RNF111: variants seen among roughly 807,000 people sequenced by gnomAD.
The protein encoded by RNF111 is ring finger protein 111.
RNF111 carries 17 observed loss-of-function variants against 95.1 expected under a neutral mutation model. The observed-to-expected ratio is 0.18, with a 90% CI of 0.12 to 0.27. The LOEUF (loss-of-function observed/expected upper bound fraction) is 0.27, where lower values mean the gene tolerates loss of function less well. RNF111 is among the 10% of genes least tolerant of loss of function. The probability of loss-of-function intolerance (pLI) is 1.00; values close to 1 mark genes in which losing one functional copy is unlikely to be tolerated. For missense variants in RNF111, 1,189 were observed against 1,210.4 expected (o/e 0.98, Z 0.26); for synonymous variants, 440 against 414.8 (o/e 1.06, Z -0.74).
chr15:58,990,095 CA>C, intron 1 of RNF111, among the ~76,000 whole-genome samples: 1 of 152,256 alleles, frequency 6.6e-6, no homozygotes, highest in Admixed American at 6.5e-5. Flanking sequence ...GGGCTAAGGA[CA>C]GGAGATCTAG....
chr15:59,014,287 T>C (rs1350530987), intron 1 of RNF111, among the ~76,000 whole-genome samples: 1 of 152,154 alleles, frequency 6.6e-6, no homozygotes, highest in African/African-American at 2.4e-5. Context: ...CCTGGTGAAA[T>C]CAGCTGTTTT....
Position 59,030,953 on chromosome 15 carries a change from G to A in RNF111, c.131G>A (p.Gly44Glu). 6.2e-7 allele frequency: 1 copy of A among 1,614,148 alleles called. No individual in the cohort carries two copies. The highest frequency in any genetic ancestry group is 8.5e-7 in the Non-Finnish European group (1 of 1,180,022). ...ATCCTTTTGCATCCAGAGCCCATTG[G>A]GGCAGCCAAAAGTTTTCCTGCAGGA... ...KGILLHPEPI[G>E]AAKSFPAGVE... The change falls in exon 2 of 14, where the codon GGG (glycine) becomes GAG (glutamate). Residue 44 changes from glycine (G) to glutamate (E), a missense_variant. Physicochemically the swap from Gly to Glu is moderately conservative, Grantham distance 98 (BLOSUM62 -2). This residue lies in a region of RNF111 where 1,024 missense variants were observed against 925.9 expected (regional missense o/e 1.11). Coordinates refer to ENST00000348370, the MANE Select transcript of RNF111 (RefSeq NM_017610.8).
intron 7 of RNF111, among the ~76,000 whole-genome samples, chr15:59,077,700 T>C (rs540987591): frequency 1.3e-5 from 2 of 152,360 alleles, no homozygotes; most frequent in Admixed American, 1.3e-4. Context: ...AGTTTATGTA[T>C]AGTTTAACTT....
intron 5 of RNF111, among the ~76,000 whole-genome samples, chr15:59,062,288 T>C (rs1265836741): frequency 6.6e-6 from 1 of 152,040 alleles, no homozygotes; most frequent in African/African-American, 2.4e-5. Context: ...GGCAATTCAC[T>C]TGCCTCAGCT....
intron 1 of RNF111, among the ~76,000 whole-genome samples, chr15:59,008,340 C>T (rs555309632): frequency 2.0e-5 from 3 of 152,266 alleles, no homozygotes; most frequent in South Asian, 2.1e-4. Flanking sequence ...GCCTCAGCCT[C>T]CTGAGTAGCT....
Position 59,036,048 on chromosome 15 carries a change from G to A in RNF111, c.880+4346G>A, listed in dbSNP as rs181161523. On this transcript the variant is annotated intron_variant, in intron 2 of 13. Transcript: ENST00000348370. ...TCATGTTGCTAATAAAGACATACCC[G>A]AGACTGGGTAATTTATTCTATTTTT... 2.4e-3 allele frequency among the ~76,000 whole-genome samples: 360 copies of A among 152,174 alleles called. 4 individuals carry two copies. Among genetic ancestry groups the A allele is most frequent in the African/African-American group, 7.8e-3 (322 of 41,508 alleles).
At chr15:59,074,860 A>T (rs2043101242) in intron 6 of RNF111, among the ~76,000 whole-genome samples, 1 of 152,218 alleles carries the variant, frequency 6.6e-6, no homozygotes, top group Non-Finnish European at 1.5e-5. Flanking sequence ...GTTTTGGTTT[A>T]AAATGAGAGA....
chr15:59,063,068 A>C (rs1192593387), intron 5 of RNF111, among the ~76,000 whole-genome samples: 1 of 152,148 alleles, frequency 6.6e-6, no homozygotes, highest in African/African-American at 2.4e-5. Context: ...TGTATCCTAA[A>C]TTGTCTCCAT....
At chr15:59,006,373 C>A (rs1258636476) in intron 1 of RNF111, among the ~76,000 whole-genome samples, 1 of 152,202 alleles carries the variant, frequency 6.6e-6, no homozygotes, top group Non-Finnish European at 1.5e-5. Context: ...ACCCACATCT[C>A]CTGCCTCAGG....
intron 2 of RNF111, 95 bp downstream of exon 2, chr15:59,031,797 C>A: frequency 9.7e-7 from 1 of 1,026,596 alleles, no homozygotes; most frequent in Non-Finnish European, 1.4e-6. Context: ...TTTAAAGGGA[C>A]TATCAGGTTC....
intron 2 of RNF111, chr15:59,049,491 G>A (rs1228345473): frequency 1.5e-5 from 3 of 205,228 alleles, no homozygotes; most frequent in Non-Finnish European, 3.0e-5. Flanking sequence ...GAATGCTGGT[G>A]CTTCAGTTGT....
intron 11 of RNF111, 128 bp downstream of exon 11, chr15:59,089,887 T>A: frequency 1.7e-6 from 1 of 605,912 alleles, no homozygotes; most frequent in Admixed American, 2.6e-5. Flanking sequence ...TTTTCTGATG[T>A]TGCTTCTGGG....
intron 1 of RNF111, among the ~76,000 whole-genome samples, chr15:59,029,324 C>G (rs2040793127): frequency 6.6e-6 from 1 of 152,168 alleles, no homozygotes; most frequent in Non-Finnish European, 1.5e-5. Context: ...TGATCCTTGT[C>G]TGACTGGCTG....
At chr15:59,035,889 T>C (rs927585832) in intron 2 of RNF111, among the ~76,000 whole-genome samples, 1 of 152,164 alleles carries the variant, frequency 6.6e-6, no homozygotes, top group African/African-American at 2.4e-5. Flanking sequence ...TCCCCACATC[T>C]TCTTATCTTT....
chr15:59,003,632 G>A (rs1261609897), intron 1 of RNF111, among the ~76,000 whole-genome samples: 1 of 152,168 alleles, frequency 6.6e-6, no homozygotes, highest in African/African-American at 2.4e-5. Context: ...GAACTCCTGA[G>A]CTCAAGCGAT....
chr15:59,015,608 G>A (rs1205155982), intron 1 of RNF111, among the ~76,000 whole-genome samples: 1 of 150,016 alleles, frequency 6.7e-6, no homozygotes, highest in Non-Finnish European at 1.5e-5. Flanking sequence ...TTTGACCCTA[G>A]CTTATTCTCC....
intron 7 of RNF111, among the ~76,000 whole-genome samples, chr15:59,077,034 G>A (rs1347193114): frequency 6.6e-6 from 1 of 152,176 alleles, no homozygotes; most frequent in East Asian, 1.9e-4. Flanking sequence ...CCCAGAATCT[G>A]TACAGTGAAA....
chr15:59,052,176 A>G, intron 2 of RNF111, 129 bp from the exon 3 acceptor site: 1 of 807,000 alleles, frequency 1.2e-6, no homozygotes, highest in Non-Finnish European at 1.8e-6. Flanking sequence ...TTTTTAAAAA[A>G]CCTTTTTGAC....
At chr15:58,990,392 G>A (rs1419377925) in intron 1 of RNF111, among the ~76,000 whole-genome samples, 3 of 152,150 alleles carry the variant, frequency 2.0e-5, no homozygotes, top group East Asian at 1.9e-4. Context: ...AGGCGTGGTG[G>A]CTCACCCCTG....
Sources: allele counts gnomAD v4.1 joint callset (sites outside exome capture counted in the v4.1 genomes callset), GRCh38; gene constraint gnomAD v4.1.1; regional missense constraint gnomAD v4.1.1; transcripts MANE v1.5; gene names NCBI Gene and HGNC (gene_info 2026-07-23, HGNC 2026-07-21).